Variants in ATP1B3 observed in about 807,000 individuals in gnomAD.
ATP1B3 encodes the protein ATPase Na+/K+ transporting subunit beta 3.
In ATP1B3, 10 loss-of-function variants were observed where a neutral mutation model predicts 30.2. The ratio of observed to expected loss-of-function variants is 0.33; its 90% confidence interval spans 0.20 to 0.56. The LOEUF (loss-of-function observed/expected upper bound fraction) is 0.56, where lower values mean the gene tolerates loss of function less well. Among genes scored for constraint, ATP1B3 ranks in the 20% least tolerant of loss-of-function variants. The pLI is 0.90. For missense variants in ATP1B3, 238 were observed against 336.7 expected, an observed-to-expected ratio of 0.71 and a Z score of 2.29; for synonymous variants, 113 against 117.0, an observed-to-expected ratio of 0.97 and a Z score of 0.22.
rs1934453135 is a variant in ATP1B3, at chr3:141,915,864, TGG to T, written c.532-105_532-104del. The T allele has an allele frequency of 6.9e-6, 5 of 725,728 alleles. No individual in the cohort carries two copies. The African/African-American group carries it at 8.8e-5, about 13-fold the overall frequency. The allele number at this position is 725,728 out of a possible 1,614,324, so 45.0% of individuals were successfully genotyped here. ...AGTAAAAGGCAGATGTATACAGACT[TGG>T]TGTTAATCTCAAAGTCTTCACCCCT... is the stretch of plus-strand genomic sequence containing the variant. On this transcript the variant is annotated intron_variant, in intron 4 of 6. Coordinates refer to ENST00000286371, the MANE Select transcript of ATP1B3 (RefSeq NM_001679.4).
chr3:141,909,620 A>G (rs1020283488), intron 3 of ATP1B3, among the ~76,000 whole-genome samples: 7 of 152,220 alleles, frequency 4.6e-5, no homozygotes, highest in African/African-American at 1.7e-4. Flanking sequence ...TGATGTGTTG[A>G]AGATTCATCA....
At chr3:141,890,095 T>TTC (rs1933916069) in intron 1 of ATP1B3, among the ~76,000 whole-genome samples, 1 of 138,824 alleles carries the variant, frequency 7.2e-6, no homozygotes, top group African/African-American at 2.7e-5. Flanking sequence ...TCTTTTTTTT[T>TTC]TTTTTTTTTT....
At chr3:141,882,568 C>T (rs1933748439) in intron 1 of ATP1B3, among the ~76,000 whole-genome samples, 2 of 152,032 alleles carry the variant, frequency 1.3e-5, no homozygotes, top group South Asian at 4.1e-4. Flanking sequence ...AGCTGCATAT[C>T]TAATCATACA....
intron 1 of ATP1B3, among the ~76,000 whole-genome samples, chr3:141,898,436 A>G (rs1934107388): frequency 6.6e-6 from 1 of 152,218 alleles, no homozygotes; most frequent in South Asian, 2.1e-4. Context: ...TAAAAATGAG[A>G]AAATGATCTG....
intron 1 of ATP1B3, among the ~76,000 whole-genome samples, chr3:141,897,356 T>C (rs2115935): frequency 0.11 from 16,367 of 152,262 alleles, 1,081 homozygotes; most frequent in Middle Eastern, 0.16. Context: ...GTTTACATAT[T>C]TGTCATTTGT....
chr3:141,908,628 G>A (rs1053721819), intron 3 of ATP1B3, among the ~76,000 whole-genome samples: 3 of 152,214 alleles, frequency 2.0e-5, no homozygotes, highest in Non-Finnish European at 4.4e-5. Context: ...TACTGAGCAG[G>A]ACTAATTAGC....
intron 2 of ATP1B3, among the ~76,000 whole-genome samples, chr3:141,905,587 A>G (rs547454073): frequency 9.8e-5 from 15 of 152,306 alleles, no homozygotes; most frequent in Non-Finnish European, 1.9e-4. Context: ...GTTTACAGCT[A>G]ATCTTAGTCT....
rs113670607 is a variant in ATP1B3 at position 141,920,203 on chromosome 3, G to A, written c.583-1774G>A. The stretch of plus-strand genomic sequence containing the variant: ...ACTCTGAGCCCCAGTGCCCTGCTCC[G>A]TAATTGATGCTGTCCACTAAGGCTT... On this transcript the variant is annotated intron_variant, in intron 5 of 6. Coordinates refer to ENST00000286371, the MANE Select transcript of ATP1B3 (RefSeq NM_001679.4). Among the ~76,000 whole-genome samples, 66 of 152,178 alleles carry A rather than the reference G, an allele frequency of 4.3e-4. 1 individual carries two copies. Among genetic ancestry groups the A allele is most frequent in the African/African-American group, 1.4e-3 (57 of 41,512 alleles).
chr3:141,886,109 A>G (rs1462171681), intron 1 of ATP1B3, among the ~76,000 whole-genome samples: 1 of 152,130 alleles, frequency 6.6e-6, no homozygotes, highest in African/African-American at 2.4e-5. Flanking sequence ...TTGGGTCCCT[A>G]CTGCTTCCAG....
chr3:141,890,086 C>CTTTTTTTTTTTTTTTTTTT (rs1245235657), intron 1 of ATP1B3, among the ~76,000 whole-genome samples: 1 of 107,548 alleles, frequency 9.3e-6, no homozygotes, highest in Non-Finnish European at 1.8e-5. Context: ...AATTTTTTTT[C>CTTTTTTTTTTTTTTTTTTT]TTTTTTTTTT....
At chr3:141,906,816 A>T (rs927303124) in intron 2 of ATP1B3, among the ~76,000 whole-genome samples, 1 of 152,218 alleles carries the variant, frequency 6.6e-6, no homozygotes, top group Non-Finnish European at 1.5e-5. Flanking sequence ...TTTTCCTTGT[A>T]TTAATGGCAC....
intron 1 of ATP1B3, chr3:141,902,082 T>C (rs1473275021): frequency 1.6e-6 from 2 of 1,238,738 alleles, no homozygotes; most frequent in Non-Finnish European, 2.1e-6. Flanking sequence ...TTCATTTCCC[T>C]CTATAGCAAA....
chr3:141,916,424 G>A (rs1265401504), intron 5 of ATP1B3: 2 of 546,460 alleles, frequency 3.7e-6, no homozygotes, highest in African/African-American at 3.9e-5. Flanking sequence ...AATGAAATAT[G>A]GTGCATTTTC....
intron 1 of ATP1B3, among the ~76,000 whole-genome samples, chr3:141,882,092 T>C (rs895425929): frequency 6.6e-6 from 1 of 152,210 alleles, no homozygotes; most frequent in East Asian, 1.9e-4. Flanking sequence ...ATCTATACAA[T>C]TAAACTAGTT....
Position 141,921,991 on chromosome 3 carries a change from A to T in ATP1B3, c.597A>T (p.Pro199=). ...TTCAACTTCAGAATGAAGATATACC[A>T]AATGTAGCAGTTTATCCTCATAATG... ...IDCVSKNEDI[P]NVAVYPHNGM... The change falls in exon 6 of 7, where the codon CCA becomes CCT. Residue 199 remains proline (P), a synonymous_variant. Transcript: ENST00000286371. 1 of 1,535,478 alleles carries T rather than the reference A, an allele frequency of 6.5e-7. No individual in the cohort carries two copies. The highest frequency in any genetic ancestry group is 2.3e-5 in the East Asian group (1 of 43,242).
chr3:141,907,163 A>G lies in ATP1B3; in HGVS notation c.239-4A>G. ...GATAATCTCTCCCTTTTATGTCTTT[A>G]TAGGACTCATGGTTTTTCCAAAACC... On this transcript the variant is annotated splice_region_variant and splice_polypyrimidine_tract_variant and intron_variant, in intron 2 of 6. Coordinates refer to ENST00000286371, the MANE Select transcript of ATP1B3 (RefSeq NM_001679.4). 2 of 1,603,184 alleles carry G rather than the reference A, an allele frequency of 1.2e-6. No homozygotes were observed. The highest frequency in any genetic ancestry group is 1.1e-5 in the South Asian group (1 of 89,362).
intron 1 of ATP1B3, among the ~76,000 whole-genome samples, chr3:141,889,170 C>A (rs1271024438): frequency 6.6e-6 from 1 of 152,226 alleles, no homozygotes; most frequent in Non-Finnish European, 1.5e-5. Flanking sequence ...GTCTGCCCCC[C>A]ATGATTCAGT....
At chr3:141,905,746 A>T (rs558926836) in intron 2 of ATP1B3, among the ~76,000 whole-genome samples, 1 of 152,134 alleles carries the variant, frequency 6.6e-6, no homozygotes, top group Non-Finnish European at 1.5e-5. Flanking sequence ...CTTGCTATTT[A>T]AGTGATGTGA....
chr3:141,913,563 G>T, intron 3 of ATP1B3, 89 bp from the exon 4 acceptor site: 1 of 1,151,088 alleles, frequency 8.7e-7, no homozygotes, highest in Non-Finnish European at 1.2e-6. Flanking sequence ...TTTTGTCTTT[G>T]AAGAACATTT....
Sources: allele counts gnomAD v4.1 joint callset (sites outside exome capture counted in the v4.1 genomes callset), GRCh38; gene constraint gnomAD v4.1.1; transcripts MANE v1.5; gene names NCBI Gene and HGNC (gene_info 2026-07-23, HGNC 2026-07-21).